SLC19A1: variants seen among roughly 807,000 people sequenced by gnomAD.
The protein encoded by SLC19A1 is reduced folate transporter.
SLC19A1 carries 37 observed loss-of-function variants against 35.3 expected under a neutral mutation model. That is an observed-to-expected ratio of 1.05 (90% CI 0.81 to 1.38). The LOEUF is 1.38. Ranked by LOEUF, SLC19A1 falls within the 40% of genes most tolerant of loss-of-function variation. The probability of loss-of-function intolerance (pLI) is 0.00; values close to 1 mark genes in which losing one functional copy is unlikely to be tolerated. For synonymous variants in SLC19A1, 460 were observed against 398.5 expected (o/e 1.15, Z -1.84); for missense variants, 831 against 826.9 (o/e 1.00, Z -0.06).
At chr21:45,555,126 A>G (rs1166812206) in intron 1 of SLC19A1, among the ~76,000 whole-genome samples, 30 of 128,668 alleles carry the variant, frequency 2.3e-4, no homozygotes, top group African/African-American at 8.9e-4. Context: ...CCAGCCCAGC[A>G]GCCTCGCGAC....
At position 45,552,499 on chromosome 21, in the gene SLC19A1, G is replaced by A. The variant is rs560606175; in HGVS notation, c.-50+10243C>T. ...CGGAGGCTCAGGCCAGGCCAGGACC[G>A]CAGCCCTCGAATGTGCAGAGACCCC... On this transcript the variant is annotated intron_variant, in intron 1 of 5. Transcript: ENST00000650808. Among the ~76,000 whole-genome samples, 24 of 152,280 alleles carry A rather than the reference G, an allele frequency of 1.6e-4. No homozygotes were observed. In the East Asian group the frequency reaches 3.1e-3, roughly 20 times the overall value.
At chr21:45,505,004 C>T in intron 3 of SLC19A1, 3 of 1,177,694 alleles carry the variant, frequency 2.5e-6, no homozygotes, top group South Asian at 1.3e-5. Context: ...ATGGCGTGGG[C>T]AGGGAGGGGA....
chr21:45,525,153 G>C (rs746884050), intron 5 of SLC19A1, among the ~76,000 whole-genome samples: 38 of 152,294 alleles, frequency 2.5e-4, no homozygotes, highest in Non-Finnish European at 3.7e-4. Flanking sequence ...GACTAACCCT[G>C]ACAGTCCTCC....
At chr21:45,505,554 G>A (rs939417961) in intron 3 of SLC19A1, 36 of 701,164 alleles carry the variant, frequency 5.1e-5, no homozygotes, top group South Asian at 4.0e-4. Context: ...GCCAAGATGC[G>A]GTTTCCAGGG....
intron 3 of SLC19A1, among the ~76,000 whole-genome samples, chr21:45,503,704 T>C (rs949114219): frequency 2.0e-5 from 3 of 151,300 alleles, no homozygotes; most frequent in Non-Finnish European, 2.9e-5. Context: ...AGTTAGTGGG[T>C]GCAGCACACC....
downstream of SLC19A1, chr21:45,512,423 G>A (rs775823940): frequency 2.4e-5 from 39 of 1,606,492 alleles, no homozygotes; most frequent in South Asian, 3.8e-4. Context: ...CGGATGGCCG[G>A]AGAGGACCGG....
chr21:45,540,924 C>G lies in SLC19A1; in HGVS notation c.-50+1444G>C, dbSNP rs755916588. Among the ~76,000 whole-genome samples the G allele has an allele frequency of 1.3e-5, 2 of 152,326 alleles. No individual in the cohort carries two copies. Among genetic ancestry groups the G allele is most frequent in the Non-Finnish European group, 2.9e-5 (2 of 68,034 alleles). ...AGGCCAGAGACCCGCAATCAAAACA[C>G]AAGCAAACGCCACCTATCATTCCGT... On this transcript the variant is annotated intron_variant, in intron 1 of 5. Coordinates refer to ENST00000311124, the MANE Select transcript of SLC19A1 (RefSeq NM_194255.4). This position sits in a 1 kb window ranked among gnomAD's most constrained non-coding sequence, Gnocchi z 5.5.
rs1470087611 is a variant in SLC19A1, at chr21:45,555,325, CG to C, written c.-50+7416del. Among the ~76,000 whole-genome samples, 8 of 3,802 alleles carry C rather than the reference CG, an allele frequency of 2.1e-3. 2 individuals are homozygous for C. The highest frequency in any genetic ancestry group is 0.014 in the African/African-American group (6 of 444). The allele number at this position is 3,802 out of a possible 152,430, so 2.5% of individuals were successfully genotyped here. A position where few individuals can be genotyped will look rare whatever the true frequency, so the allele number is the denominator to read the frequency against. ...GGGCGGCGGGGGCGGCGGGGGGCGG[CG>C]GGGGGCGGCGGGGGCGGCAGCGCTG... On this transcript the variant is annotated intron_variant, in intron 1 of 5. Transcript: ENST00000650808.
intron 3 of SLC19A1, chr21:45,505,230 C>T: frequency 1.9e-6 from 3 of 1,594,414 alleles, no homozygotes; most frequent in South Asian, 1.1e-5. Flanking sequence ...CCCTCCCGGC[C>T]CCCCAGGCCC....
chr21:45,537,511 T>C (rs1226293331), intron 2 of SLC19A1, among the ~76,000 whole-genome samples: 3 of 121,382 alleles, frequency 2.5e-5, no homozygotes, highest in Non-Finnish European at 3.3e-5. Context: ...CCCACATGCC[T>C]ATTCCAGAAG....
intron 5 of SLC19A1, among the ~76,000 whole-genome samples, chr21:45,523,601 A>G (rs923915342): frequency 3.3e-5 from 5 of 152,194 alleles, no homozygotes; most frequent in Admixed American, 6.5e-5. Flanking sequence ...GCACACGCAC[A>G]GAGTCCCTAA....
intron 1 of SLC19A1, among the ~76,000 whole-genome samples, chr21:45,551,236 G>T (rs1251453277): frequency 1.3e-5 from 2 of 151,796 alleles, no homozygotes; most frequent in African/African-American, 4.8e-5. Context: ...CGACAAGAGC[G>T]AGACTCCATC....
chr21:45,509,845 AG>A (rs1457812829), downstream of SLC19A1, among the ~76,000 whole-genome samples: 1 of 152,194 alleles, frequency 6.6e-6, no homozygotes, highest in Non-Finnish European at 1.5e-5. Context: ...CTCCGCCTAC[AG>A]CGGCAGCTGG....
At chr21:45,510,493 C>A (rs950338586), downstream of SLC19A1, among the ~76,000 whole-genome samples, 27 of 152,048 alleles carry the variant, frequency 1.8e-4, no homozygotes, top group African/African-American at 6.5e-4. Context: ...TCCCATGAGG[C>A]CCCCCCGTGG....
chr21:45,512,437 C>G (rs1402212642), downstream of SLC19A1: 1 of 1,587,714 alleles, frequency 6.3e-7, no homozygotes, highest in African/African-American at 1.3e-5. Flanking sequence ...GGACCGGCGG[C>G]TCGGAGGAAG....
rs1240272461 is a variant in SLC19A1, at chr21:45,513,787, A to G, written c.*1871T>C. On this transcript the variant is annotated 3_prime_UTR_variant, in exon 6 of 6. Coordinates refer to ENST00000311124, the MANE Select transcript of SLC19A1 (RefSeq NM_194255.4). ...CAATTCTCCAAAAGGAGTTCTCAGG[A>G]GTCTTTTATCCCTGGACTGCCCCAC... is the stretch of plus-strand genomic sequence containing the variant. 1 of 152,180 alleles carries G rather than the reference A, an allele frequency of 6.6e-6. No individual in the cohort carries two copies. The highest frequency in any genetic ancestry group is 2.4e-5 in the African/African-American group (1 of 41,436). The allele number at this position is 152,180 out of a possible 1,614,324, so 9.4% of individuals were successfully genotyped here.
At chr21:45,509,526 C>T (rs1285440461), downstream of SLC19A1, 12 of 1,536,340 alleles carry the variant, frequency 7.8e-6, no homozygotes, top group African/African-American at 1.4e-5. Context: ...CCCCGCACCA[C>T]AGCTCCTACG....
intron 1 of SLC19A1, among the ~76,000 whole-genome samples, chr21:45,558,084 C>T (rs911318538): frequency 6.6e-6 from 1 of 152,262 alleles, no homozygotes; most frequent in African/African-American, 2.4e-5. Context: ...GCGGCGGCAT[C>T]GTCTCCAAGC....
chr21:45,512,261 C>T (rs1403108537), downstream of SLC19A1: 7 of 1,611,750 alleles, frequency 4.3e-6, no homozygotes, highest in East Asian at 4.5e-5. Flanking sequence ...TGAGACGTGG[C>T]GGACGGAGGC....
Sources: allele counts gnomAD v4.1 joint callset (sites outside exome capture counted in the v4.1 genomes callset), GRCh38; gene constraint gnomAD v4.1.1; non-coding constraint Gnocchi (gnomAD v3.1); transcripts MANE v1.5; gene names NCBI Gene and HGNC (gene_info 2026-07-23, HGNC 2026-07-21).